The following SNTB1 variants were observed in gnomAD, a reference collection of about 807,000 sequenced individuals.
SNTB1 encodes the protein syntrophin beta 1.
A neutral mutation model predicts 48.9 loss-of-function variants in SNTB1; 36 were observed. The ratio of observed to expected loss-of-function variants is 0.74; its 90% CI spans 0.56 to 0.97. The LOEUF (loss-of-function observed/expected upper bound fraction) is 0.97, where lower values mean the gene tolerates loss of function less well. Ranked by LOEUF, SNTB1 falls within the 50% of genes least tolerant of loss-of-function variation. The pLI, the probability that SNTB1 is intolerant of heterozygous loss-of-function variation, is 0.00. For synonymous variants in SNTB1, 299 were observed against 294.6 expected, an observed-to-expected ratio of 1.01 and a Z score of -0.15; for missense variants, 786 against 703.4, an observed-to-expected ratio of 1.12 and a Z score of -1.33.
intron 2 of SNTB1, among the ~76,000 whole-genome samples, chr8:120,669,445 T>TAAACTGTAATGGGATGAATCATA (rs1587076145): frequency 6.1e-5 from 5 of 81,324 alleles, no homozygotes; most frequent in South Asian, 7.1e-4. Flanking sequence ...AAATGCTTGT[T>TAAACTGTAATGGGATGAATCATA]TTTTTTTTTT....
intron 3 of SNTB1, among the ~76,000 whole-genome samples, chr8:120,595,741 G>A (rs1230691898): frequency 2.0e-5 from 3 of 151,928 alleles, no homozygotes; most frequent in African/African-American, 4.8e-5. Context: ...GCACTACCAC[G>A]CCCGGCTAAT....
At chr8:120,593,355 C>T (rs986326264) in intron 3 of SNTB1, among the ~76,000 whole-genome samples, 1 of 152,140 alleles carries the variant, frequency 6.6e-6, no homozygotes, top group African/African-American at 2.4e-5. Context: ...CTTCTGCCTT[C>T]CATTCTGTCT....
intron 4 of SNTB1, among the ~76,000 whole-genome samples, chr8:120,561,183 C>T (rs116911899): frequency 0.015 from 2,217 of 151,792 alleles, 28 homozygotes; most frequent in Non-Finnish European, 0.023. Flanking sequence ...AAAAATTAGA[C>T]GGGCATGGTA....
intron 1 of SNTB1, among the ~76,000 whole-genome samples, chr8:120,711,354 A>T (rs1818461122): frequency 1.3e-5 from 2 of 152,246 alleles, no homozygotes; most frequent in African/African-American, 4.8e-5. Flanking sequence ...TACACTCTAA[A>T]TTGTGTTGCC....
intron 1 of SNTB1, among the ~76,000 whole-genome samples, chr8:120,729,017 G>A (rs577568217): frequency 3.8e-4 from 57 of 148,296 alleles, no homozygotes; most frequent in Non-Finnish European, 7.1e-4. Flanking sequence ...GTCTCACCCT[G>A]TCCCCAGGCT....
intron 2 of SNTB1, among the ~76,000 whole-genome samples, chr8:120,643,763 T>C (rs887951313): frequency 3.9e-5 from 6 of 152,356 alleles, no homozygotes; most frequent in African/African-American, 1.4e-4. Flanking sequence ...TGACTTCTTT[T>C]CCTCTGGGTA....
chr8:120,641,775 C>G (rs1226309884), intron 2 of SNTB1, among the ~76,000 whole-genome samples: 5 of 152,168 alleles, frequency 3.3e-5, no homozygotes, highest in African/African-American at 1.2e-4. Flanking sequence ...CCCAGAAATT[C>G]CTTTTGTATA....
intron 2 of SNTB1, among the ~76,000 whole-genome samples, chr8:120,640,756 G>A (rs548443427): frequency 1.3e-5 from 2 of 152,090 alleles, no homozygotes; most frequent in Admixed American, 1.3e-4. Flanking sequence ...ATAAAATTTT[G>A]ATGTGCTGCT....
chr8:120,555,175 C>G (rs1025147413), intron 4 of SNTB1, among the ~76,000 whole-genome samples: 1 of 152,066 alleles, frequency 6.6e-6, no homozygotes, highest in Admixed American at 6.6e-5. Context: ...GGGGTTGTCC[C>G]GCGCCAGGAA....
intron 3 of SNTB1, among the ~76,000 whole-genome samples, chr8:120,584,753 A>G (rs892732957): frequency 1.3e-5 from 2 of 152,138 alleles, no homozygotes; most frequent in African/African-American, 2.4e-5. Flanking sequence ...TAATCAGTTA[A>G]GTTGGGATGA....
intron 2 of SNTB1, chr8:120,655,162 G>A: frequency 4.5e-6 from 1 of 224,586 alleles, no homozygotes; most frequent in East Asian, 1.4e-4. Flanking sequence ...GCGTAATCAG[G>A]AAAAAATTAG....
intron 2 of SNTB1, among the ~76,000 whole-genome samples, chr8:120,681,468 G>A (rs1324059554): frequency 6.6e-6 from 1 of 152,150 alleles, no homozygotes; most frequent in East Asian, 1.9e-4. Context: ...CCTTGGCTCT[G>A]CACAACCTGC....
intron 1 of SNTB1, among the ~76,000 whole-genome samples, chr8:120,701,217 CTA>C (rs1818304658): frequency 6.6e-6 from 1 of 152,152 alleles, no homozygotes; most frequent in Middle Eastern, 3.2e-3. Flanking sequence ...GAAAGAGGTA[CTA>C]TGTTTCTCAG....
chr8:120,698,823 A>C lies in SNTB1; in HGVS notation c.572-4915T>G, dbSNP rs181738285. Among the ~76,000 whole-genome samples the C allele has an allele frequency of 4.7e-4, 71 of 152,324 alleles. 1 individual carries two copies. The South Asian group carries it at 8.3e-3, about 18-fold the overall frequency. On this transcript the variant is annotated intron_variant, in intron 1 of 6. Coordinates refer to ENST00000517992, the MANE Select transcript of SNTB1 (RefSeq NM_021021.4). The stretch of plus-strand genomic sequence containing the variant: ...GGTAAAGCAGTGGCTCTAATTGGAA[A>C]TAGAGTGTGTGAAAACTTCATGGTT...
rs1554643529 is a variant in SNTB1, at chr8:120,537,152, A to AC, written c.*1724dup. The AC allele has an allele frequency of 6.6e-6, 1 of 151,198 alleles. No homozygotes were observed. The highest frequency in any genetic ancestry group is 1.5e-5 in the Non-Finnish European group (1 of 67,838). 9.4% of individuals were successfully genotyped at this position (151,198 alleles called of 1,614,324 possible). A position where few individuals can be genotyped will look rare whatever the true frequency, so the allele number is the denominator to read the frequency against. ...TTTTCTAAAGCATTAAAAAAAAAAAACAAATAACAACAACAAAAAAACCCA... is the reference window on the plus strand; with the variant it reads ...TTTTCTAAAGCATTAAAAAAAAAAAACCAAATAACAACAACAAAAAAACCCA... On this transcript the variant is annotated 3_prime_UTR_variant, in exon 7 of 7. Transcript: ENST00000517992.
At chr8:120,758,202 T>G (rs905720366) in intron 1 of SNTB1, among the ~76,000 whole-genome samples, 1 of 152,208 alleles carries the variant, frequency 6.6e-6, no homozygotes, top group Non-Finnish European at 1.5e-5. Flanking sequence ...CTCTTGAAAT[T>G]TGCACTTCTC....
At chr8:120,782,591 T>C (rs987437370) in intron 1 of SNTB1, among the ~76,000 whole-genome samples, 1 of 152,150 alleles carries the variant, frequency 6.6e-6, no homozygotes, top group African/African-American at 2.4e-5. Flanking sequence ...TAAATATGTA[T>C]ACATACATAC....
At chr8:120,552,516 C>A (rs113052943) in intron 4 of SNTB1, among the ~76,000 whole-genome samples, 7,163 of 152,192 alleles carry the variant, frequency 0.047, 289 homozygotes, top group African/African-American at 0.11. Context: ...CACCACCACA[C>A]CCTGTTAATT....
At chr8:120,716,318 AGT>A (rs1257406178) in intron 1 of SNTB1, among the ~76,000 whole-genome samples, 1 of 152,210 alleles carries the variant, frequency 6.6e-6, no homozygotes, top group Non-Finnish European at 1.5e-5. Context: ...TATACTTCAA[AGT>A]GTTTTCATGC....
Sources: gnomAD v4.1 joint callset for allele counts (sites outside exome capture counted in the v4.1 genomes callset) on GRCh38, gnomAD v4.1.1 for gene constraint, MANE v1.5 for transcripts, NCBI Gene and HGNC (gene_info 2026-07-23, HGNC 2026-07-21) for gene names.